The following USP25 variants were observed in gnomAD, a reference collection of about 807,000 sequenced individuals.
The protein encoded by USP25 is ubiquitin carboxyl-terminal hydrolase 25.
In USP25, 85 loss-of-function variants were observed where a neutral mutation model predicts 158.5. The observed-to-expected ratio is 0.54, with a 90% confidence interval of 0.45 to 0.64. The LOEUF (loss-of-function observed/expected upper bound fraction) is 0.64. USP25 is among the 30% of genes least tolerant of loss of function. USP25 has a pLI of 0.00. For synonymous variants in USP25, 464 were observed against 460.4 expected, an observed-to-expected ratio of 1.01 and a Z score of -0.10; for missense variants, 1,242 against 1,327.3, an observed-to-expected ratio of 0.94 and a Z score of 1.00.
chr21:15,857,505 T>A (rs1173527360), intron 20 of USP25, among the ~76,000 whole-genome samples: 1 of 151,502 alleles, frequency 6.6e-6, no homozygotes, highest in Non-Finnish European at 1.5e-5. Flanking sequence ...TTCTTTGATC[T>A]TTGTGAGGGT....
chr21:15,825,702 C>T (rs571003804), intron 12 of USP25, among the ~76,000 whole-genome samples: 1 of 152,332 alleles, frequency 6.6e-6, no homozygotes, highest in Non-Finnish European at 1.5e-5. Context: ...AAACCCCAAT[C>T]TGCTCTGCAT....
chr21:15,776,118 T>C (rs930306206), intron 3 of USP25, among the ~76,000 whole-genome samples: 6 of 152,214 alleles, frequency 3.9e-5, no homozygotes, highest in African/African-American at 1.4e-4. Flanking sequence ...TCAGTGTTTA[T>C]GAATGTTCAG....
chr21:15,755,246 G>T (rs1422317608), intron 1 of USP25, among the ~76,000 whole-genome samples: 1 of 152,010 alleles, frequency 6.6e-6, no homozygotes, highest in African/African-American at 2.4e-5. Flanking sequence ...TATCCCCAAG[G>T]ATGGAAACCT....
At chr21:15,853,980 A>T (rs2039015828) in intron 20 of USP25, among the ~76,000 whole-genome samples, 1 of 152,168 alleles carries the variant, frequency 6.6e-6, no homozygotes, top group South Asian at 2.1e-4. Context: ...TCTAATCATC[A>T]TCATCATTCA....
chr21:15,783,505 G>A (rs1431684405), intron 4 of USP25, among the ~76,000 whole-genome samples: 1 of 152,100 alleles, frequency 6.6e-6, no homozygotes, highest in Non-Finnish European at 1.5e-5. Flanking sequence ...TCACATATAT[G>A]GGAATTCCCA....
At chr21:15,745,760 G>A (rs2032501712) in intron 1 of USP25, among the ~76,000 whole-genome samples, 1 of 152,152 alleles carries the variant, frequency 6.6e-6, no homozygotes, top group Non-Finnish European at 1.5e-5. Context: ...ACAGGCGTGA[G>A]CCACCACGCC....
chr21:15,821,373 T>G (rs1272247817), intron 10 of USP25, among the ~76,000 whole-genome samples: 1 of 151,984 alleles, frequency 6.6e-6, no homozygotes, highest in African/African-American at 2.4e-5. Context: ...AAAAGAACTA[T>G]TCTGAAGAAT....
In USP25 at chr21:15,875,058, A is replaced by G. The variant is rs936379446; in HGVS notation, c.3009+532A>G. On this transcript the variant is annotated intron_variant, in intron 24 of 25. Coordinates refer to ENST00000400183, the MANE Select transcript of USP25 (RefSeq NM_001283041.3). This position sits in a 1 kb window ranked among gnomAD's most constrained non-coding sequence, Gnocchi z 4.7. ...ATGGTGGTGTGCGCCTGTAGTCTCA[A>G]CTACTCAGGAGGCTGAGGCAGGGGA... is the stretch of plus-strand genomic sequence containing the variant. Among the ~76,000 whole-genome samples the G allele has an allele frequency of 3.0e-4, 45 of 152,118 alleles. No individual in the cohort carries two copies. Among genetic ancestry groups the G allele is most frequent in the Admixed American group, 2.1e-3 (32 of 15,270 alleles).
At chr21:15,755,863 A>T (rs1284864531) in intron 1 of USP25, among the ~76,000 whole-genome samples, 4 of 152,176 alleles carry the variant, frequency 2.6e-5, no homozygotes, top group African/African-American at 9.6e-5. Context: ...CTCTTCATAA[A>T]GGGAGAAGTG....
At chr21:15,793,050 A>T (rs1298779030) in intron 5 of USP25, among the ~76,000 whole-genome samples, 1 of 151,578 alleles carries the variant, frequency 6.6e-6, no homozygotes, top group Non-Finnish European at 1.5e-5. Context: ...TGTGCATATG[A>T]TAATTTAGAC....
chr21:15,829,859 A>G (rs1456790203), intron 14 of USP25, among the ~76,000 whole-genome samples: 1 of 152,154 alleles, frequency 6.6e-6, no homozygotes, highest in African/African-American at 2.4e-5. Flanking sequence ...GGCTTAAGAC[A>G]GGTCTTTCCC....
chr21:15,783,015 A>C (rs1157842817), intron 4 of USP25, among the ~76,000 whole-genome samples: 1 of 152,212 alleles, frequency 6.6e-6, no homozygotes, highest in Non-Finnish European at 1.5e-5. Flanking sequence ...TAATAAATTC[A>C]TTAGCTGAGT....
intron 20 of USP25, among the ~76,000 whole-genome samples, chr21:15,851,950 A>G (rs79175286): frequency 0.015 from 2,238 of 152,056 alleles, 60 homozygotes; most frequent in African/African-American, 0.052. Flanking sequence ...GGTTTGCTCT[A>G]TGATTTTGAT....
chr21:15,733,700 G>A (rs1200363471), intron 1 of USP25, among the ~76,000 whole-genome samples: 1 of 152,174 alleles, frequency 6.6e-6, no homozygotes, highest in African/African-American at 2.4e-5. Flanking sequence ...AAATTAGCCA[G>A]GCGTGGTGGC....
At chr21:15,806,042 A>G (rs1349625769) in intron 7 of USP25, among the ~76,000 whole-genome samples, 1 of 152,134 alleles carries the variant, frequency 6.6e-6, no homozygotes, top group Admixed American at 6.5e-5. Flanking sequence ...TTTACCTTGT[A>G]TGGCAAATGT....
At chr21:15,769,858 A>G (rs1175241696) in intron 3 of USP25, among the ~76,000 whole-genome samples, 1 of 152,178 alleles carries the variant, frequency 6.6e-6, no homozygotes, top group Non-Finnish European at 1.5e-5. Flanking sequence ...TTGGGTAGGT[A>G]ATTTTAACAC....
At chr21:15,798,992 A>G (rs2035998250) in intron 5 of USP25, among the ~76,000 whole-genome samples, 1 of 151,466 alleles carries the variant, frequency 6.6e-6, no homozygotes, top group Admixed American at 6.6e-5. Context: ...ACTGTATATT[A>G]TAAAACATTT....
chr21:15,842,318 A>G (rs2038374126), intron 17 of USP25, 80 bp from the exon 18 acceptor site: 3 of 1,445,728 alleles, frequency 2.1e-6, no homozygotes. Context: ...AACTTCAGAC[A>G]TAGAAATGAA....
Position 15,764,316 on chromosome 21 carries a change from C to CT in USP25, c.123+1364dup, listed in dbSNP as rs61313473. On this transcript the variant is annotated intron_variant, in intron 2 of 25. Transcript: ENST00000400183. Reference sequence around the variant, plus strand: ...TGCCAGGGTAAATTTGGGGAATTTGCTTTTTTTTTTTTTTTTAAACTTAGA... The same window carrying CT: ...TGCCAGGGTAAATTTGGGGAATTTGCTTTTTTTTTTTTTTTTTAAACTTAGA... 1.3e-3 allele frequency among the ~76,000 whole-genome samples: 171 copies of CT among 127,678 alleles called. 1 individual carries two copies. Among genetic ancestry groups the CT allele is most frequent in the East Asian group, 7.1e-3 (31 of 4,356 alleles). 83.8% of individuals were successfully genotyped at this position (127,678 alleles called of 152,430 possible).
Sources: allele counts gnomAD v4.1 joint callset (sites outside exome capture counted in the v4.1 genomes callset), GRCh38; gene constraint gnomAD v4.1.1; non-coding constraint Gnocchi (gnomAD v3.1); transcripts MANE v1.5; gene names NCBI Gene and HGNC (gene_info 2026-07-23, HGNC 2026-07-21).